MEI1: variants seen among roughly 807,000 people sequenced by gnomAD.
MEI1 encodes the protein meiosis inhibitor protein 1.
A neutral mutation model predicts 146.2 loss-of-function variants in MEI1; 103 were observed. The ratio of observed to expected loss-of-function variants is 0.70; its 90% confidence interval spans 0.60 to 0.83. The LOEUF is 0.83. Ranked by LOEUF, MEI1 falls within the 40% of genes least tolerant of loss-of-function variation. The probability of loss-of-function intolerance (pLI) is 0.00; values close to 1 mark genes in which losing one functional copy is unlikely to be tolerated. For synonymous variants in MEI1, 652 were observed against 628.2 expected (o/e 1.04, Z -0.57); for missense variants, 1,529 against 1,533.0 (o/e 1.00, Z 0.04).
At chr22:41,782,610 A>G (rs2075805767) in intron 24 of MEI1, among the ~76,000 whole-genome samples, 1 of 152,180 alleles carries the variant, frequency 6.6e-6, no homozygotes, top group African/African-American at 2.4e-5. Flanking sequence ...CAATCTAGTG[A>G]TGGGCACACA....
At chr22:41,748,502 A>G (rs946549617) in intron 15 of MEI1, among the ~76,000 whole-genome samples, 2 of 71,296 alleles carry the variant, frequency 2.8e-5, no homozygotes, top group Non-Finnish European at 8.3e-5. Context: ...TGGACAATAC[A>G]GTGAGACCCC....
At chr22:41,777,407 C>T (rs1469623255) in intron 21 of MEI1, among the ~76,000 whole-genome samples, 1 of 152,132 alleles carries the variant, frequency 6.6e-6, no homozygotes, top group Non-Finnish European at 1.5e-5. Context: ...CCGCCCGCCT[C>T]AGCCTCCCAA....
chr22:41,724,878 A>G (rs1463220274), intron 7 of MEI1, among the ~76,000 whole-genome samples: 1 of 150,652 alleles, frequency 6.6e-6, no homozygotes, highest in African/African-American at 2.4e-5. Context: ...ATCACGGCTC[A>G]CTGCAGCCTC....
intron 6 of MEI1, among the ~76,000 whole-genome samples, chr22:41,721,259 T>TG (rs2070768059): frequency 6.8e-6 from 1 of 147,010 alleles, no homozygotes; most frequent in Non-Finnish European, 1.5e-5. Flanking sequence ...TTTTTTTTTT[T>TG]TTTGAGACGG....
At chr22:41,716,625 C>G (rs1458324015) in intron 5 of MEI1, among the ~76,000 whole-genome samples, 5 of 151,756 alleles carry the variant, frequency 3.3e-5, no homozygotes, top group African/African-American at 1.2e-4. Flanking sequence ...ATCCGCCTGC[C>G]TCAGCCTCCC....
rs187456192 is a variant in MEI1, at chr22:41,732,360, G to A, written c.1196+16G>A. 1.2e-5 allele frequency: 19 copies of A among 1,613,406 alleles called. No homozygotes were observed. In the East Asian group the frequency reaches 3.1e-4, roughly 26 times the overall value. On this transcript the variant is annotated intron_variant, in intron 10 of 30. Coordinates refer to ENST00000401548, the MANE Select transcript of MEI1 (RefSeq NM_152513.4). ...TCCTGACCCGGTGAGCAAAGTGGTGGAACATGAGGCTTGTAGGGGCCAGAC... is the reference window on the plus strand; with the variant it reads ...TCCTGACCCGGTGAGCAAAGTGGTGAAACATGAGGCTTGTAGGGGCCAGAC...
rs551320425 is a variant in MEI1, at chr22:41,781,133, T to G, written c.2816-151T>G. On this transcript the variant is annotated intron_variant, in intron 22 of 30. Coordinates refer to ENST00000401548, the MANE Select transcript of MEI1 (RefSeq NM_152513.4). Reference sequence around the variant, plus strand: ...GTGAATGTGCCTTAAGGTTTGTCACTGTGTTTCTTTCCATTGGTTGTAATA... The same window carrying G: ...GTGAATGTGCCTTAAGGTTTGTCACGGTGTTTCTTTCCATTGGTTGTAATA... 1.1e-3 allele frequency: 692 copies of G among 643,538 alleles called. 17 individuals are homozygous for G. The South Asian group carries it at 0.012, about 11-fold the overall frequency. The allele number at this position is 643,538 out of a possible 1,614,324, so 39.9% of individuals were successfully genotyped here.
At chr22:41,794,063 A>G (rs953351387) in intron 27 of MEI1, 153 bp downstream of exon 27, 4 of 747,476 alleles carry the variant, frequency 5.4e-6, no homozygotes, top group African/African-American at 1.7e-5. Flanking sequence ...AGTCATGCCC[A>G]TTATACAGAT....
At chr22:41,702,823 A>G (rs1236349166) in intron 1 of MEI1, among the ~76,000 whole-genome samples, 1 of 151,544 alleles carries the variant, frequency 6.6e-6, no homozygotes, top group African/African-American at 2.4e-5. Flanking sequence ...CAGTGGCGCT[A>G]TCTCGGCTCA....
intron 6 of MEI1, among the ~76,000 whole-genome samples, chr22:41,722,467 A>ATTTT (rs749033326): frequency 2.4e-5 from 3 of 127,616 alleles, no homozygotes; most frequent in Middle Eastern, 4.0e-3. Flanking sequence ...CAGCATTTTA[A>ATTTT]TTTTTTTTTT....
chr22:41,754,096 G>T (rs1232180036), intron 17 of MEI1, 50 bp downstream of exon 17: 1 of 1,371,024 alleles, frequency 7.3e-7, no homozygotes, highest in East Asian at 2.3e-5. Context: ...GGTCTTTAGA[G>T]TCTGGGTGCC....
chr22:41,762,190 C>A (rs1405395809), intron 18 of MEI1, among the ~76,000 whole-genome samples: 2 of 152,110 alleles, frequency 1.3e-5, no homozygotes, highest in African/African-American at 4.8e-5. Context: ...CCATTACAGG[C>A]GTGAGCCACT....
Position 41,780,585 on chromosome 22 carries a change from T to TC in MEI1, c.2816-699_2816-698insC. ...TGAGCTGAATTTTTTTCTTTTCTTT[T>TC]TTTTTTTTTTTTTGAGACAGGGTCT... is the stretch of plus-strand genomic sequence containing the variant. On this transcript the variant is annotated intron_variant, in intron 22 of 30. Transcript: ENST00000401548. Among the ~76,000 whole-genome samples, 3 of 149,548 alleles carry TC rather than the reference T, an allele frequency of 2.0e-5. No individual in the cohort carries two copies. In the South Asian group the frequency reaches 6.4e-4, roughly 32 times the overall value.
At position 41,795,870 on chromosome 22, in the gene MEI1, T is replaced by G. The variant is rs199699390; in HGVS notation, c.3779+23T>G. On this transcript the variant is annotated intron_variant, in intron 30 of 30. Coordinates refer to ENST00000401548, the MANE Select transcript of MEI1 (RefSeq NM_152513.4). This position sits in a 1 kb window ranked among gnomAD's most constrained non-coding sequence, Gnocchi z 4.2. Reference sequence around the variant, plus strand: ...GCTGTATCCTTTCTTGCATCTATGATGAAGGAGATGCCAAATCACTGGGTG... The same window carrying G: ...GCTGTATCCTTTCTTGCATCTATGAGGAAGGAGATGCCAAATCACTGGGTG... The G allele has an allele frequency of 9.9e-6, 16 of 1,613,032 alleles. No homozygotes were observed. The highest frequency in any genetic ancestry group is 1.2e-5 in the Non-Finnish European group (14 of 1,179,434).
chr22:41,714,135 C>A, intron 4 of MEI1, 60 bp downstream of exon 4: 2 of 1,475,158 alleles, frequency 1.4e-6, no homozygotes, highest in Admixed American at 2.0e-5. Context: ...AGAGCTGGGT[C>A]AACCCTTTGA....
intron 11 of MEI1, among the ~76,000 whole-genome samples, chr22:41,736,339 T>C (rs1404503529): frequency 6.6e-6 from 1 of 151,398 alleles, no homozygotes; most frequent in Admixed American, 6.6e-5. Context: ...AAGTTGTGCC[T>C]CCCGGGTTCA....
intron 2 of MEI1, among the ~76,000 whole-genome samples, chr22:41,704,808 A>G (rs958247630): frequency 4.6e-5 from 7 of 151,452 alleles, no homozygotes; most frequent in African/African-American, 1.7e-4. Flanking sequence ...TCCGCCTCCC[A>G]GGTTCACGCC....
At chr22:41,775,854 A>T (rs1330846515) in intron 20 of MEI1, among the ~76,000 whole-genome samples, 2 of 152,086 alleles carry the variant, frequency 1.3e-5, no homozygotes, top group African/African-American at 4.8e-5. Context: ...TTGGCCTCCC[A>T]AAGTGCTGGG....
At chr22:41,724,541 C>A (rs1463867947) in intron 7 of MEI1, among the ~76,000 whole-genome samples, 3 of 151,056 alleles carry the variant, frequency 2.0e-5, no homozygotes, top group Admixed American at 6.6e-5. Context: ...TGCCTTGAAT[C>A]TGGGAGGCGG....
Sources: gnomAD v4.1 joint callset for allele counts (sites outside exome capture counted in the v4.1 genomes callset) on GRCh38, gnomAD v4.1.1 for gene constraint, Gnocchi (gnomAD v3.1) non-coding constraint, MANE v1.5 for transcripts, NCBI Gene and HGNC (gene_info 2026-07-23, HGNC 2026-07-21) for gene names.